Variants in CCDC7 observed in about 807,000 individuals in gnomAD.
The protein encoded by CCDC7 is coiled-coil domain containing 7, also known as coiled-coil domain-containing protein 7.
CCDC7 carries 183 observed loss-of-function variants against 196.9 expected under a neutral mutation model. The observed-to-expected ratio is 0.93, with a 90% CI of 0.82 to 1.05. CCDC7 has a LOEUF of 1.05. Among genes scored for constraint, CCDC7 ranks in the 50% least tolerant of loss-of-function variants. The pLI, the probability that CCDC7 is intolerant of heterozygous loss-of-function variation, is 0.00. For synonymous variants in CCDC7, 525 were observed against 484.6 expected, an observed-to-expected ratio of 1.08 and a Z score of -1.10; for missense variants, 1,540 against 1,482.2, an observed-to-expected ratio of 1.04 and a Z score of -0.64.
At chr10:32,643,245 T>C (rs1344035863) in intron 20 of CCDC7, among the ~76,000 whole-genome samples, 1 of 152,176 alleles carries the variant, frequency 6.6e-6, no homozygotes, top group Admixed American at 6.5e-5. Flanking sequence ...CTTTTTCATT[T>C]CATGAAAGGA....
intron 11 of CCDC7, among the ~76,000 whole-genome samples, chr10:32,524,406 G>A (rs936554421): frequency 6.6e-6 from 1 of 152,122 alleles, no homozygotes; most frequent in Non-Finnish European, 1.5e-5. Flanking sequence ...GTCAAGAGTA[G>A]TTTACACACC....
intron 18 of CCDC7, among the ~76,000 whole-genome samples, chr10:32,596,140 G>T (rs2060322584): frequency 6.6e-6 from 1 of 152,076 alleles, no homozygotes; most frequent in Admixed American, 6.5e-5. Context: ...GTTGACAGTG[G>T]GGTGTTAAAA....
At chr10:32,754,969 T>C (rs2076187117) in intron 28 of CCDC7, among the ~76,000 whole-genome samples, 1 of 152,174 alleles carries the variant, frequency 6.6e-6, no homozygotes, top group South Asian at 2.1e-4. Flanking sequence ...CAGGAGATTA[T>C]ATCCCGCGCT....
intron 20 of CCDC7, among the ~76,000 whole-genome samples, chr10:32,652,237 G>T (rs2068902733): frequency 6.6e-6 from 1 of 151,868 alleles, no homozygotes; most frequent in South Asian, 2.1e-4. Context: ...AGCTACTCCT[G>T]CTCTTTTTTG....
intron 20 of CCDC7, among the ~76,000 whole-genome samples, chr10:32,660,872 C>A (rs1176469694): frequency 1.4e-5 from 2 of 140,970 alleles, no homozygotes; most frequent in African/African-American, 5.3e-5. Context: ...CATAAAAACC[C>A]TAGAAGAAAA....
At chr10:32,508,775 C>T (rs1168471440) in intron 9 of CCDC7, among the ~76,000 whole-genome samples, 2 of 151,560 alleles carry the variant, frequency 1.3e-5, no homozygotes, top group African/African-American at 2.4e-5. Flanking sequence ...GGATTACAAG[C>T]GCCCGCCACC....
At chr10:32,598,187 T>C (rs113462802) in intron 18 of CCDC7, among the ~76,000 whole-genome samples, 7,868 of 152,240 alleles carry the variant, frequency 0.052, 673 homozygotes, top group African/African-American at 0.18. Context: ...TGTTTACCTA[T>C]TCAAGCCTCA....
rs2071316219 is a variant in CCDC7 at position 32,661,146 on chromosome 10, C to T, written c.2015-2908C>T. 4.0e-5 allele frequency among the ~76,000 whole-genome samples: 6 copies of T among 151,560 alleles called. No individual in the cohort carries two copies. The South Asian group carries it at 1.3e-3, about 32-fold the overall frequency. ...ATTTACAAGAAAAAAACAACCCCAT[C>T]AAAAAGTGGGCGAAGGACATGAACA... On this transcript the variant is annotated intron_variant, in intron 20 of 41. Transcript: ENST00000639629.
At chr10:32,472,454 A>G in intron 6 of CCDC7, 27 bp from the exon 8 acceptor site, 1 of 1,550,536 alleles carries the variant, frequency 6.4e-7, no homozygotes, top group Non-Finnish European at 8.7e-7. Context: ...TATATTAAAA[A>G]ATATTTCATT....
At chr10:32,769,452 A>C (rs890058662) in intron 28 of CCDC7, among the ~76,000 whole-genome samples, 13 of 151,606 alleles carry the variant, frequency 8.6e-5, no homozygotes, top group African/African-American at 3.2e-4. Flanking sequence ...CTGAGTTTTC[A>C]TTTGGTTGAT....
chr10:32,642,426 C>G (rs538418458), intron 20 of CCDC7, among the ~76,000 whole-genome samples: 2 of 152,206 alleles, frequency 1.3e-5, no homozygotes, highest in African/African-American at 2.4e-5. Context: ...AGCGAGGCTC[C>G]GTGGGCGTAG....
At chr10:32,487,936 A>AC (rs2041467211) in intron 8 of CCDC7, among the ~76,000 whole-genome samples, 1 of 152,096 alleles carries the variant, frequency 6.6e-6, no homozygotes, top group Non-Finnish European at 1.5e-5. Flanking sequence ...GGGGTCAGGG[A>AC]CCCACTTGAG....
intron 28 of CCDC7, 114 bp downstream of exon 29, chr10:32,729,571 C>A: frequency 2.1e-6 from 1 of 476,286 alleles, no homozygotes; most frequent in Non-Finnish European, 3.6e-6. Context: ...TTATTTCCAT[C>A]ACACTACCAG....
intron 21 of CCDC7, among the ~76,000 whole-genome samples, chr10:32,675,406 A>T (rs1047865313): frequency 1.9e-4 from 29 of 152,150 alleles, no homozygotes; most frequent in Non-Finnish European, 3.8e-4. Context: ...CAAAAATTTT[A>T]CATTTTTATT....
At chr10:32,876,000 G>A (rs1319027401) in intron 41 of CCDC7, among the ~76,000 whole-genome samples, 5 of 151,888 alleles carry the variant, frequency 3.3e-5, no homozygotes. Context: ...CATGGGCATC[G>A]CCTGGGAACT....
intron 24 of CCDC7, among the ~76,000 whole-genome samples, chr10:32,703,506 T>C (rs532044849): frequency 4.6e-5 from 7 of 152,136 alleles, no homozygotes; most frequent in African/African-American, 1.7e-4. Context: ...GAGTTGCTGT[T>C]CTCGAGGAGT....
At chr10:32,774,059 G>A (rs1169468338) in intron 28 of CCDC7, among the ~76,000 whole-genome samples, 1 of 152,114 alleles carries the variant, frequency 6.6e-6, no homozygotes, top group African/African-American at 2.4e-5. Flanking sequence ...ATTTTTAAGT[G>A]AGCACCAGAA....
intron 28 of CCDC7, among the ~76,000 whole-genome samples, chr10:32,738,153 G>A (rs1268575676): frequency 2.0e-5 from 3 of 151,932 alleles, no homozygotes; most frequent in Non-Finnish European, 4.4e-5. Context: ...TATTTAATAT[G>A]ATCCTATATC....
chr10:32,692,977 A>G (rs2077262990), intron 23 of CCDC7, among the ~76,000 whole-genome samples: 1 of 152,134 alleles, frequency 6.6e-6, no homozygotes, highest in South Asian at 2.1e-4. Flanking sequence ...TTTGCTCCCT[A>G]TTCTAATTCC....
Sources: allele counts gnomAD v4.1 joint callset (sites outside exome capture counted in the v4.1 genomes callset), GRCh38; gene constraint gnomAD v4.1.1; transcripts MANE v1.5; gene names NCBI Gene and HGNC (gene_info 2026-07-23, HGNC 2026-07-21).